KCNC1: variants seen among roughly 807,000 people sequenced by gnomAD.
KCNC1 encodes the protein potassium voltage-gated channel subfamily C member 1.
In KCNC1, 8 loss-of-function variants were observed where a neutral mutation model predicts 43.4. That is an observed-to-expected ratio of 0.18 (90% CI 0.11 to 0.33). KCNC1 has a LOEUF of 0.33. Among genes scored for constraint, KCNC1 ranks in the 10% least tolerant of loss-of-function variants. The pLI is 1.00. For synonymous variants in KCNC1, 361 were observed against 360.5 expected (o/e 1.00, Z -0.01); for missense variants, 420 against 836.0 (o/e 0.50, Z 6.14).
rs768656815 is a variant in KCNC1, at chr11:17,736,398, C to CGACGCG, written c.402_407dup (p.Ala136_Asp137dup). ...GCGCTCCTCTGGACAACAGCGCCGA[C>CGACGCG]GACGCGGACGCCGACGGCCCTGGCG... On this transcript the variant is annotated inframe_insertion, in exon 1 of 4. Coordinates refer to ENST00000265969, the MANE Select transcript of KCNC1 (RefSeq NM_001112741.2). The surrounding 1 kb of genome is among the most constrained non-coding windows in gnomAD (Gnocchi z 9.3). The CGACGCG allele has an allele frequency of 3.1e-6, 5 of 1,609,628 alleles. No homozygotes were observed. The highest frequency in any genetic ancestry group is 4.2e-6 in the Non-Finnish European group (5 of 1,178,634).
intron 1 of KCNC1, among the ~76,000 whole-genome samples, chr11:17,768,767 G>A (rs1849188024): frequency 1.3e-5 from 2 of 152,198 alleles, no homozygotes; most frequent in South Asian, 2.1e-4. Context: ...TGTTCCTCTC[G>A]TCCCATACAA....
At chr11:17,772,742 G>C (rs962450378) in intron 2 of KCNC1, 144 bp downstream of exon 2, 8 of 1,497,114 alleles carry the variant, frequency 5.3e-6, no homozygotes, top group East Asian at 2.3e-5. Context: ...GAGCCTGGGG[G>C]CCCAGGGAGA....
intron 1 of KCNC1, among the ~76,000 whole-genome samples, chr11:17,764,455 G>C (rs2133799194): frequency 1.3e-5 from 2 of 152,158 alleles, no homozygotes; most frequent in East Asian, 3.9e-4. Context: ...CACAAAACTT[G>C]TGCACAGGCC....
chr11:17,744,048 C>A (rs527596446), intron 1 of KCNC1, among the ~76,000 whole-genome samples: 25 of 152,204 alleles, frequency 1.6e-4, no homozygotes, highest in African/African-American at 6.0e-4. Flanking sequence ...AGGCCACAGG[C>A]AAGACCCAGG....
At position 17,776,594 on chromosome 11, in the gene KCNC1, C is replaced by A. The variant is rs965922336; in HGVS notation, c.1505-2862C>A. On this transcript the variant is annotated intron_variant, in intron 2 of 3. Transcript: ENST00000265969. The surrounding 1 kb of genome is among the most constrained non-coding windows in gnomAD (Gnocchi z 4.4). ...TCAAGCCTGGAAACCATCTCTGAGACGCTGCCCATGCTGCCATTTCATCAC... is the reference window on the plus strand; with the variant it reads ...TCAAGCCTGGAAACCATCTCTGAGAAGCTGCCCATGCTGCCATTTCATCAC... 2.0e-6 allele frequency: 2 copies of A among 985,434 alleles called. No individual in the cohort carries two copies. The highest frequency in any genetic ancestry group is 2.4e-6 in the Non-Finnish European group (2 of 829,932). 61.0% of individuals were successfully genotyped at this position (985,434 alleles called of 1,614,324 possible).
chr11:17,745,262 CA>C (rs972108572), intron 1 of KCNC1, among the ~76,000 whole-genome samples: 2 of 152,128 alleles, frequency 1.3e-5, no homozygotes, highest in African/African-American at 4.8e-5. Flanking sequence ...GCTTCGATGG[CA>C]GGGGGACTGG....
chr11:17,770,695 T>C (rs1451809046), intron 1 of KCNC1, among the ~76,000 whole-genome samples: 2 of 152,174 alleles, frequency 1.3e-5, no homozygotes, highest in East Asian at 1.9e-4. Context: ...GAGCAGGTGG[T>C]TCTGGACAGG....
Position 17,782,263 on chromosome 11 carries a change from G to C in KCNC1, c.*529G>C, listed in dbSNP as rs1039170449. 3 of 152,438 alleles carry C rather than the reference G, an allele frequency of 2.0e-5. No individual in the cohort carries two copies. Among genetic ancestry groups the C allele is most frequent in the East Asian group, 1.9e-4 (1 of 5,200 alleles). The allele number at this position is 152,438 out of a possible 1,614,324, so 9.4% of individuals were successfully genotyped here. On this transcript the variant is annotated 3_prime_UTR_variant, in exon 4 of 4. Transcript: ENST00000265969. ...TTTTGTACACAAGATCAAGAGGAAA[G>C]CTTCCAAAAAGGGCAGTCGGTCAGT...
rs1395564693 is a variant in KCNC1, at chr11:17,734,793, G to A, written c.-1210G>A. 6.6e-6 allele frequency: 1 copy of A among 151,754 alleles called. No homozygotes were observed. The highest frequency in any genetic ancestry group is 1.5e-5 in the Non-Finnish European group (1 of 67,860). The allele number at this position is 151,754 out of a possible 1,614,324, so 9.4% of individuals were successfully genotyped here. ...CGGGCTGGACGCGGACCGCGCGAAC[G>A]AGCAGGCGACGGGCGAGCAGCAAGC... On this transcript the variant is annotated 5_prime_UTR_variant, in exon 1 of 4. Coordinates refer to ENST00000265969, the MANE Select transcript of KCNC1 (RefSeq NM_001112741.2).
intron 1 of KCNC1, among the ~76,000 whole-genome samples, chr11:17,741,221 C>A (rs924946427): frequency 7.9e-6 from 1 of 127,158 alleles, no homozygotes; most frequent in African/African-American, 2.9e-5. Flanking sequence ...CAGCTCCCCC[C>A]ACCCCCCTCC....
At chr11:17,760,585 C>T (rs1849066480) in intron 1 of KCNC1, among the ~76,000 whole-genome samples, 1 of 152,208 alleles carries the variant, frequency 6.6e-6, no homozygotes, top group Non-Finnish European at 1.5e-5. Context: ...GCACACCACA[C>T]TCCCTAAGGC....
intron 2 of KCNC1, chr11:17,775,798 C>A (rs535927107): frequency 2.0e-5 from 20 of 985,648 alleles, no homozygotes; most frequent in Non-Finnish European, 2.3e-5. Context: ...GCCGGGCTCC[C>A]TTCCTGCCCA....
At position 17,779,739 on chromosome 11, in the gene KCNC1, C is replaced by T; in HGVS notation, c.1693+95C>T. The T allele has an allele frequency of 3.0e-6, 3 of 1,013,808 alleles. No individual in the cohort carries two copies. Among genetic ancestry groups the T allele is most frequent in the Non-Finnish European group, 4.1e-6 (3 of 740,482 alleles). 62.8% of individuals were successfully genotyped at this position (1,013,808 alleles called of 1,614,324 possible). A position where few individuals can be genotyped will look rare whatever the true frequency, so the allele number is the denominator to read the frequency against. ...GGCGGCGGGCAAGGGCGCTGAGGGG[C>T]AGGCAGGCACACCGAGGGGGGCAAG... On this transcript the variant is annotated intron_variant, in intron 3 of 3. Transcript: ENST00000265969. The surrounding 1 kb of genome is among the most constrained non-coding windows in gnomAD (Gnocchi z 7.2).
intron 1 of KCNC1, among the ~76,000 whole-genome samples, chr11:17,745,875 T>G (rs1848893295): frequency 6.6e-6 from 1 of 152,210 alleles, no homozygotes; most frequent in Non-Finnish European, 1.5e-5. Context: ...TCTTTTCTCC[T>G]TGGCATTAAC....
intron 1 of KCNC1, among the ~76,000 whole-genome samples, chr11:17,760,485 G>A (rs1216095545): frequency 6.6e-6 from 1 of 152,206 alleles, no homozygotes; most frequent in African/African-American, 2.4e-5. Context: ...GTCCACAGGA[G>A]CAGGTGCGAT....
chr11:17,763,107 G>A (rs1849097044), intron 1 of KCNC1, among the ~76,000 whole-genome samples: 1 of 152,184 alleles, frequency 6.6e-6, no homozygotes, highest in African/African-American at 2.4e-5. Flanking sequence ...CCCAGGTGTA[G>A]GGTCCAGAGA....
intron 1 of KCNC1, among the ~76,000 whole-genome samples, chr11:17,745,811 A>T (rs1848892586): frequency 6.6e-6 from 1 of 152,052 alleles, no homozygotes; most frequent in South Asian, 2.1e-4. Context: ...CTATACTCAG[A>T]CATCATCAGC....
intron 1 of KCNC1, among the ~76,000 whole-genome samples, chr11:17,737,558 C>T (rs1848782841): frequency 6.6e-6 from 1 of 152,114 alleles, no homozygotes; most frequent in African/African-American, 2.4e-5. Flanking sequence ...GCCTGGTGAA[C>T]TCTTAAGGGC....
At position 17,777,525 on chromosome 11, in the gene KCNC1, G is replaced by T; in HGVS notation, c.1505-1931G>T. The T allele has an allele frequency of 2.0e-6, 2 of 985,966 alleles. No individual in the cohort carries two copies. Among genetic ancestry groups the T allele is most frequent in the Non-Finnish European group, 2.4e-6 (2 of 830,024 alleles). The allele number at this position is 985,966 out of a possible 1,614,324, so 61.1% of individuals were successfully genotyped here. On this transcript the variant is annotated intron_variant, in intron 2 of 3. Transcript: ENST00000265969. The surrounding 1 kb of genome is among the most constrained non-coding windows in gnomAD (Gnocchi z 4.3). Reference sequence around the variant, plus strand: ...CCCGGAGACCCTTGGATGGAAGACTGGGCCAGCCAGAGTGGGAGGCAGGAC... The same window carrying T: ...CCCGGAGACCCTTGGATGGAAGACTTGGCCAGCCAGAGTGGGAGGCAGGAC...
Sources: gnomAD v4.1 joint callset for allele counts (sites outside exome capture counted in the v4.1 genomes callset) on GRCh38, gnomAD v4.1.1 for gene constraint, Gnocchi (gnomAD v3.1) non-coding constraint, MANE v1.5 for transcripts, NCBI Gene and HGNC (gene_info 2026-07-23, HGNC 2026-07-21) for gene names.